Variants in DLGAP1 observed in about 807,000 individuals in gnomAD.
DLGAP1 encodes the protein DLG associated protein 1.
DLGAP1 carries 11 observed loss-of-function variants against 90.8 expected under a neutral mutation model. The ratio of observed to expected loss-of-function variants is 0.12; its 90% CI spans 0.08 to 0.20. DLGAP1 has a LOEUF of 0.20. Among genes scored for constraint, DLGAP1 ranks in the 10% least tolerant of loss-of-function variants. The probability of loss-of-function intolerance (pLI) is 1.00; values close to 1 mark genes in which losing one functional copy is unlikely to be tolerated. For missense variants in DLGAP1, 1,050 were observed against 1,333.8 expected (o/e 0.79, Z 3.31); for synonymous variants, 558 against 540.7 (o/e 1.03, Z -0.44).
chr18:3,559,724 G>A (rs1449945621), intron 9 of DLGAP1, among the ~76,000 whole-genome samples: 1 of 150,518 alleles, frequency 6.6e-6, no homozygotes, highest in Non-Finnish European at 1.5e-5. Flanking sequence ...CTGGGTTCAA[G>A]TGATTCTTCT....
intron 6 of DLGAP1, among the ~76,000 whole-genome samples, chr18:3,741,986 A>T (rs1238555373): frequency 6.6e-6 from 1 of 151,980 alleles, no homozygotes; most frequent in Admixed American, 6.5e-5. Flanking sequence ...GGGATCACAG[A>T]TGGGTGCCAC....
chr18:4,092,317 G>A (rs528317422), intron 2 of DLGAP1, among the ~76,000 whole-genome samples: 11 of 152,154 alleles, frequency 7.2e-5, no homozygotes, highest in Non-Finnish European at 1.3e-4. Context: ...GTGGAGCAGC[G>A]AAGAGGTTTT....
At chr18:3,888,699 G>C (rs1026355337) in intron 3 of DLGAP1, among the ~76,000 whole-genome samples, 1 of 152,202 alleles carries the variant, frequency 6.6e-6, no homozygotes, top group Admixed American at 6.5e-5. Flanking sequence ...GTGGAAGGTA[G>C]TGTTCTTTGA....
intron 10 of DLGAP1, among the ~76,000 whole-genome samples, chr18:3,528,014 T>C (rs987468754): frequency 6.6e-6 from 1 of 152,248 alleles, no homozygotes; most frequent in Non-Finnish European, 1.5e-5. Context: ...AAAATTGGGA[T>C]AATTCTGGTA....
chr18:3,707,129 T>C (rs2061458789), intron 7 of DLGAP1, among the ~76,000 whole-genome samples: 1 of 152,234 alleles, frequency 6.6e-6, no homozygotes, highest in Non-Finnish European at 1.5e-5. Flanking sequence ...ATCTCTTATT[T>C]ACCCACCTGA....
Position 4,184,606 on chromosome 18 carries a change from G to A in DLGAP1, c.-266-33319C>T, listed in dbSNP as rs1022830387. On this transcript the variant is annotated intron_variant, in intron 1 of 12. Coordinates refer to ENST00000315677, the MANE Select transcript of DLGAP1 (RefSeq NM_004746.4). Reference sequence around the variant, plus strand: ...CTAATCACCGATAAGCCTATATAGAGAGTAAACACACTACCCAGGATCCTA... The same window carrying A: ...CTAATCACCGATAAGCCTATATAGAAAGTAAACACACTACCCAGGATCCTA... Among the ~76,000 whole-genome samples, 3 of 152,210 alleles carry A rather than the reference G, an allele frequency of 2.0e-5. No homozygotes were observed. The East Asian group carries it at 5.8e-4, about 29-fold the overall frequency.
chr18:4,289,629 A>G (rs530471311), intron 1 of DLGAP1, among the ~76,000 whole-genome samples: 5 of 152,216 alleles, frequency 3.3e-5, no homozygotes, highest in Admixed American at 3.3e-4. Flanking sequence ...TTCCTTCAAC[A>G]GATTTTAAAA....
In DLGAP1 at chr18:4,151,239, G is replaced by A. The variant is rs1277313540; in HGVS notation, c.-218C>T. The A allele has an allele frequency of 6.6e-6, 1 of 152,136 alleles. No individual in the cohort carries two copies. The highest frequency in any genetic ancestry group is 1.5e-5 in the Non-Finnish European group (1 of 68,028). 9.4% of individuals were successfully genotyped at this position (152,136 alleles called of 1,614,324 possible). ...GAGTCAGGAAAAGATCCAAATTGCA[G>A]GCTTTTTTTTAACCTGATGTCACTC... On this transcript the variant is annotated 5_prime_UTR_variant, in exon 2 of 13. Transcript: ENST00000315677.
chr18:3,597,365 C>G (rs2056642158), intron 7 of DLGAP1: 1 of 397,616 alleles, frequency 2.5e-6, no homozygotes. Flanking sequence ...ATAAATAGTA[C>G]TTGAGCATCC....
intron 3 of DLGAP1, among the ~76,000 whole-genome samples, chr18:4,001,949 T>G (rs994839892): frequency 4.6e-5 from 7 of 152,186 alleles, no homozygotes. Flanking sequence ...CCATCAGAAG[T>G]CCCTTTGTCC....
intron 1 of DLGAP1, among the ~76,000 whole-genome samples, chr18:4,195,427 C>T (rs2077479140): frequency 6.6e-6 from 1 of 152,150 alleles, no homozygotes; most frequent in African/African-American, 2.4e-5. Context: ...TTCTAGTCAG[C>T]CCCAATTGTC....
At position 3,533,226 on chromosome 18, in the gene DLGAP1, C is replaced by T. The variant is rs182371530; in HGVS notation, c.2479+968G>A. Among the ~76,000 whole-genome samples the T allele has an allele frequency of 2.8e-3, 433 of 152,276 alleles. 4 individuals are homozygous for T. The highest frequency in any genetic ancestry group is 9.7e-3 in the African/African-American group (404 of 41,548). ...GTGAGCCATGATTGCGCCACTCCAA[C>T]TTGGGTGAGGAGTGAGGCCCTGTCT... On this transcript the variant is annotated intron_variant, in intron 10 of 12. Coordinates refer to ENST00000315677, the MANE Select transcript of DLGAP1 (RefSeq NM_004746.4).
rs1485410556 is a variant in DLGAP1 at position 3,674,869 on chromosome 18, GT to G, written c.1591+54265del. 1.1e-3 allele frequency among the ~76,000 whole-genome samples: 2 copies of G among 1,778 alleles called. 1 individual carries two copies. The highest frequency in any genetic ancestry group is 9.7e-3 in the African/African-American group (2 of 206). The allele number at this position is 1,778 out of a possible 152,430, so 1.2% of individuals were successfully genotyped here. ...CATTCACCTCCACTATCAGTACCGAGTCCACCACAATCATCACCCCCATTCA... is the reference window on the plus strand; with the variant it reads ...CATTCACCTCCACTATCAGTACCGAGCCACCACAATCATCACCCCCATTCA... On this transcript the variant is annotated intron_variant, in intron 7 of 12. Transcript: ENST00000315677.
intron 1 of DLGAP1, among the ~76,000 whole-genome samples, chr18:4,353,344 G>A (rs988076903): frequency 1.3e-5 from 2 of 152,140 alleles, no homozygotes; most frequent in Admixed American, 6.5e-5. Context: ...AAGCTGACAT[G>A]TTTCAAATGA....
At chr18:4,254,669 A>ATG (rs33981152) in intron 1 of DLGAP1, among the ~76,000 whole-genome samples, 6 of 114,710 alleles carry the variant, frequency 5.2e-5, no homozygotes, top group African/African-American at 5.0e-4. Flanking sequence ...AGAAATATGC[A>ATG]TGTTTTTGTG....
At chr18:4,312,739 T>C (rs1256831890) in intron 1 of DLGAP1, among the ~76,000 whole-genome samples, 1 of 152,254 alleles carries the variant, frequency 6.6e-6, no homozygotes, top group African/African-American at 2.4e-5. Flanking sequence ...TCTAATATTA[T>C]ATTTACTGAA....
At position 3,515,777 on chromosome 18, in the gene DLGAP1, C is replaced by CA. The variant is rs55680550; in HGVS notation, c.2480-7117dup. 4.0e-3 allele frequency among the ~76,000 whole-genome samples: 374 copies of CA among 93,224 alleles called. 1 individual carries two copies. The highest frequency in any genetic ancestry group is 5.6e-3 in the Non-Finnish European group (265 of 47,304). 61.2% of individuals were successfully genotyped at this position (93,224 alleles called of 152,430 possible). ...CTGGGCAACAGAGGAGACCCTGTCT[C>CA]AAAAAAAAAAAAAAAAAAAAAAGGG... On this transcript the variant is annotated intron_variant, in intron 10 of 12. Transcript: ENST00000315677.
intron 6 of DLGAP1, among the ~76,000 whole-genome samples, chr18:3,732,287 A>T (rs1428946621): frequency 6.6e-6 from 1 of 152,240 alleles, no homozygotes; most frequent in Non-Finnish European, 1.5e-5. Context: ...TTATTTCATC[A>T]GGAGGCACAT....
At chr18:4,158,549 A>G (rs750605116) in intron 1 of DLGAP1, among the ~76,000 whole-genome samples, 1 of 152,114 alleles carries the variant, frequency 6.6e-6, no homozygotes, top group Non-Finnish European at 1.5e-5. Flanking sequence ...TGGAAATAGA[A>G]CACCTTCTTT....
Sources: gnomAD v4.1 joint callset for allele counts (sites outside exome capture counted in the v4.1 genomes callset) on GRCh38, gnomAD v4.1.1 for gene constraint, MANE v1.5 for transcripts, NCBI Gene and HGNC (gene_info 2026-07-23, HGNC 2026-07-21) for gene names.